Variants in CACNG3 observed in about 807,000 individuals in gnomAD.
CACNG3 encodes calcium voltage-gated channel auxiliary subunit gamma 3, also known as voltage-dependent calcium channel gamma-3 subunit.
Under a neutral mutation model 28.5 loss-of-function variants are expected in CACNG3, and 3 were observed. The observed-to-expected ratio is 0.11, with a 90% CI of 0.05 to 0.27. The LOEUF (loss-of-function observed/expected upper bound fraction) is 0.27. CACNG3 is among the 10% of genes least tolerant of loss of function. The pLI, the probability that CACNG3 is intolerant of heterozygous loss-of-function variation, is 1.00. For missense variants in CACNG3, 236 were observed against 414.4 expected, an observed-to-expected ratio of 0.57 and a Z score of 3.74; for synonymous variants, 174 against 162.2, an observed-to-expected ratio of 1.07 and a Z score of -0.55.
intron 1 of CACNG3, among the ~76,000 whole-genome samples, chr16:24,326,083 G>C (rs543937930): frequency 4.6e-5 from 7 of 152,310 alleles, no homozygotes; most frequent in Non-Finnish European, 8.8e-5. Context: ...TCCAACGTGG[G>C]GGGGTTGGGG....
chr16:24,256,738 G>A lies in CACNG3; in HGVS notation c.-17G>A. 6.3e-7 allele frequency: 1 copy of A among 1,577,344 alleles called. No homozygotes were observed. The highest frequency in any genetic ancestry group is 8.7e-7 in the Non-Finnish European group (1 of 1,146,764). On this transcript the variant is annotated 5_prime_UTR_variant, in exon 1 of 4. Transcript: ENST00000005284. The surrounding 1 kb of genome is among the most constrained non-coding windows in gnomAD (Gnocchi z 4.6). ...TCCCCCTCCAACCCCCAGCCGTCCA[G>A]AGTACCATGAAGAATTATGAGGATG... is the stretch of plus-strand genomic sequence containing the variant.
chr16:24,302,404 C>T (rs1899124725), intron 1 of CACNG3, among the ~76,000 whole-genome samples: 1 of 152,152 alleles, frequency 6.6e-6, no homozygotes, highest in Non-Finnish European at 1.5e-5. Context: ...CAAAATACAA[C>T]CAACGGAGTC....
chr16:24,281,360 G>A (rs1411008170), intron 1 of CACNG3, among the ~76,000 whole-genome samples: 1 of 148,258 alleles, frequency 6.7e-6, no homozygotes, highest in African/African-American at 2.5e-5. Flanking sequence ...ACCATACCCA[G>A]CTAAATTTTT....
intron 1 of CACNG3, among the ~76,000 whole-genome samples, chr16:24,297,863 TTTTAGTG>T (rs1899053178): frequency 6.6e-6 from 1 of 152,178 alleles, no homozygotes; most frequent in Admixed American, 6.5e-5. Context: ...TCTGCATTTT[TTTTAGTG>T]GCCTTGAGAA....
At chr16:24,263,195 T>C (rs1898558299) in intron 1 of CACNG3, among the ~76,000 whole-genome samples, 1 of 152,210 alleles carries the variant, frequency 6.6e-6, no homozygotes, top group Admixed American at 6.5e-5. Flanking sequence ...ACCCCAAATG[T>C]TGTGGATTTA....
chr16:24,286,081 C>A (rs1898890192), intron 1 of CACNG3, among the ~76,000 whole-genome samples: 1 of 152,056 alleles, frequency 6.6e-6, no homozygotes, highest in Middle Eastern at 3.2e-3. Flanking sequence ...TGAGCTCAAG[C>A]AATCCCTAAC....
At chr16:24,329,748 T>C (rs1449706249) in intron 1 of CACNG3, among the ~76,000 whole-genome samples, 2 of 152,230 alleles carry the variant, frequency 1.3e-5, no homozygotes, top group African/African-American at 4.8e-5. Context: ...AAACAACTGG[T>C]AGTGGCTGGG....
intron 1 of CACNG3, among the ~76,000 whole-genome samples, chr16:24,337,782 C>T (rs1208207248): frequency 6.6e-6 from 1 of 151,982 alleles, no homozygotes; most frequent in Non-Finnish European, 1.5e-5. Flanking sequence ...CTTTCAGTTA[C>T]CCCAAATCTG....
chr16:24,357,438 T>G (rs1222610730), intron 3 of CACNG3, among the ~76,000 whole-genome samples: 1 of 152,068 alleles, frequency 6.6e-6, no homozygotes, highest in Non-Finnish European at 1.5e-5. Flanking sequence ...AAGCACAATA[T>G]TATTTTCTAG....
At chr16:24,332,220 T>G (rs1899640368) in intron 1 of CACNG3, among the ~76,000 whole-genome samples, 1 of 152,138 alleles carries the variant, frequency 6.6e-6, no homozygotes, top group African/African-American at 2.4e-5. Context: ...TGCAGCATTT[T>G]GGGAGGCTAA....
At chr16:24,349,250 G>A (rs1364905771) in intron 2 of CACNG3, among the ~76,000 whole-genome samples, 2 of 152,168 alleles carry the variant, frequency 1.3e-5, no homozygotes, top group Non-Finnish European at 2.9e-5. Flanking sequence ...CTTTGGGGTA[G>A]GCTACAGCAT....
At chr16:24,283,094 G>A (rs73552393) in intron 1 of CACNG3, among the ~76,000 whole-genome samples, 1,899 of 151,938 alleles carry the variant, frequency 0.012, 32 homozygotes, top group African/African-American at 0.044. Context: ...GGTCTCGATC[G>A]CCTAACCTTG....
At chr16:24,336,168 T>TGAGCC (rs1419294445) in intron 1 of CACNG3, among the ~76,000 whole-genome samples, 1 of 151,406 alleles carries the variant, frequency 6.6e-6, no homozygotes, top group Non-Finnish European at 1.5e-5. Flanking sequence ...GAGGTTGCAG[T>TGAGCC]GAGCCGAGAT....
intron 1 of CACNG3, among the ~76,000 whole-genome samples, chr16:24,308,449 G>T (rs1213596672): frequency 1.3e-5 from 2 of 152,152 alleles, no homozygotes; most frequent in African/African-American, 2.4e-5. Context: ...TGTGCTGCTG[G>T]GTTCCATCCA....
chr16:24,331,849 T>C (rs4788005), intron 1 of CACNG3, among the ~76,000 whole-genome samples: 36,048 of 152,076 alleles, frequency 0.24, 4,799 homozygotes, highest in Middle Eastern at 0.37. Flanking sequence ...TTCCCTCAAA[T>C]CTTCCCATGG....
At chr16:24,355,652 C>T (rs567860557) in intron 3 of CACNG3, among the ~76,000 whole-genome samples, 9 of 152,240 alleles carry the variant, frequency 5.9e-5, no homozygotes, top group African/African-American at 1.4e-4. Context: ...TGTTAATATA[C>T]GATCTCTGGC....
chr16:24,314,969 G>C (rs1899329145), intron 1 of CACNG3, among the ~76,000 whole-genome samples: 1 of 152,158 alleles, frequency 6.6e-6, no homozygotes, highest in Non-Finnish European at 1.5e-5. Flanking sequence ...GCTTGTGCAA[G>C]ATAGTTTTAT....
intron 1 of CACNG3, among the ~76,000 whole-genome samples, chr16:24,287,033 A>G (rs775457033): frequency 6.6e-6 from 1 of 152,192 alleles, no homozygotes; most frequent in Non-Finnish European, 1.5e-5. Flanking sequence ...CCCAGAACAC[A>G]ATGGATGGGA....
intron 1 of CACNG3, among the ~76,000 whole-genome samples, chr16:24,335,712 C>G (rs886723528): frequency 6.6e-6 from 1 of 152,100 alleles, no homozygotes; most frequent in Non-Finnish European, 1.5e-5. Flanking sequence ...GTGAGGAATA[C>G]CCAAAGAGCC....
Sources: gnomAD v4.1 joint callset for allele counts (sites outside exome capture counted in the v4.1 genomes callset) on GRCh38, gnomAD v4.1.1 for gene constraint, Gnocchi (gnomAD v3.1) non-coding constraint, MANE v1.5 for transcripts, NCBI Gene and HGNC (gene_info 2026-07-23, HGNC 2026-07-21) for gene names.